The following PTPN4 variants were observed in gnomAD, a reference collection of about 807,000 sequenced individuals.
The protein encoded by PTPN4 is tyrosine-protein phosphatase non-receptor type 4.
Under a neutral mutation model 135.5 loss-of-function variants are expected in PTPN4, and 49 were observed. That is an observed-to-expected ratio of 0.36 (90% CI 0.29 to 0.46). The LOEUF (loss-of-function observed/expected upper bound fraction) is 0.46. PTPN4 is among the 20% of genes least tolerant of loss of function. The probability of loss-of-function intolerance (pLI) is 1.00; values close to 1 mark genes in which losing one functional copy is unlikely to be tolerated. For missense variants in PTPN4, 860 were observed against 1,101.0 expected (o/e 0.78, Z 3.10); for synonymous variants, 333 against 369.9 (o/e 0.90, Z 1.14).
chr2:119,905,762 A>ATT (rs1449450991), intron 10 of PTPN4, among the ~76,000 whole-genome samples: 1 of 152,212 alleles, frequency 6.6e-6, no homozygotes, highest in Non-Finnish European at 1.5e-5. Context: ...TATATCCAGT[A>ATT]TTTTCTCACA....
chr2:119,926,694 AT>A (rs1488337583), intron 13 of PTPN4, 28 bp downstream of exon 13: 3 of 1,523,526 alleles, frequency 2.0e-6, no homozygotes, highest in South Asian at 1.2e-5. Context: ...CATTGTTTGA[AT>A]TTTTTTAAAA....
At chr2:119,907,328 A>G (rs922496359) in intron 10 of PTPN4, among the ~76,000 whole-genome samples, 1 of 152,198 alleles carries the variant, frequency 6.6e-6, no homozygotes, top group African/African-American at 2.4e-5. Context: ...TGGGGAGCCA[A>G]GTGGCTCACA....
At chr2:119,926,216 T>C (rs1217177089) in intron 12 of PTPN4, among the ~76,000 whole-genome samples, 2 of 152,180 alleles carry the variant, frequency 1.3e-5, no homozygotes, top group Non-Finnish European at 2.9e-5. Flanking sequence ...CTGAACACAT[T>C]GGTGTACTTC....
At chr2:119,868,816 T>G (rs918857843) in intron 3 of PTPN4, among the ~76,000 whole-genome samples, 2 of 152,206 alleles carry the variant, frequency 1.3e-5, no homozygotes, top group Non-Finnish European at 2.9e-5. Context: ...TGTTAATAAA[T>G]ACGTGGGTAA....
intron 10 of PTPN4, among the ~76,000 whole-genome samples, chr2:119,901,968 T>C (rs1412421660): frequency 6.6e-6 from 1 of 152,118 alleles, no homozygotes; most frequent in Non-Finnish European, 1.5e-5. Flanking sequence ...GTATTTAAGA[T>C]ATGTGATGGG....
At chr2:119,760,423 G>C in intron 1 of PTPN4, 39 bp downstream of exon 1, 1 of 388,356 alleles carries the variant, frequency 2.6e-6, no homozygotes. Context: ...TCTCGGCCCT[G>C]CACGTTGAAC....
intron 24 of PTPN4, among the ~76,000 whole-genome samples, chr2:119,963,661 A>C (rs1026439126): frequency 2.0e-5 from 3 of 152,220 alleles, no homozygotes; most frequent in African/African-American, 7.2e-5. Context: ...GCATTGAATA[A>C]AGCTAAAATG....
chr2:119,779,342 G>C (rs1690895359), intron 1 of PTPN4, among the ~76,000 whole-genome samples: 1 of 152,200 alleles, frequency 6.6e-6, no homozygotes, highest in Non-Finnish European at 1.5e-5. Flanking sequence ...TGTCGGCTGG[G>C]CGCGGTGGCT....
At chr2:119,964,506 T>A (rs1679419466) in intron 24 of PTPN4, among the ~76,000 whole-genome samples, 1 of 152,230 alleles carries the variant, frequency 6.6e-6, no homozygotes, top group Admixed American at 6.5e-5. Context: ...TCATCTGCAT[T>A]GTGTGAGGAT....
intron 2 of PTPN4, among the ~76,000 whole-genome samples, chr2:119,826,381 G>A (rs937938552): frequency 5.9e-5 from 9 of 152,182 alleles, no homozygotes; most frequent in Non-Finnish European, 1.2e-4. Context: ...ATAGTGTTTA[G>A]CAAGAGCTTT....
At chr2:119,926,397 T>G (rs1678825405) in intron 12 of PTPN4, among the ~76,000 whole-genome samples, 1 of 152,194 alleles carries the variant, frequency 6.6e-6, no homozygotes, top group Admixed American at 6.5e-5. Context: ...ACATCTTTCT[T>G]CATTAATGGG....
chr2:119,760,377 A>C lies in PTPN4; in HGVS notation c.-25A>C, dbSNP rs1690459056. 1 of 390,082 alleles carries C rather than the reference A, an allele frequency of 2.6e-6. No individual in the cohort carries two copies. Among genetic ancestry groups the C allele is most frequent in the Non-Finnish European group, 4.5e-6 (1 of 220,996 alleles). The allele number at this position is 390,082 out of a possible 1,614,324, so 24.2% of individuals were successfully genotyped here. A position where few individuals can be genotyped will look rare whatever the true frequency, so the allele number is the denominator to read the frequency against. On this transcript the variant is annotated 5_prime_UTR_variant, in exon 1 of 27. Transcript: ENST00000263708. ...CCAGCCGAGAGGACGCGGCTGTGAT[A>C]TACGAAGGTAAGAGGTTCTCCGGTC...
At chr2:119,858,275 A>G (rs1048852176) in intron 2 of PTPN4, among the ~76,000 whole-genome samples, 1 of 152,188 alleles carries the variant, frequency 6.6e-6, no homozygotes, top group Admixed American at 6.5e-5. Flanking sequence ...TTGGTTGCAG[A>G]TGAGAAATTC....
chr2:119,876,768 G>T (rs1302633208), intron 3 of PTPN4, among the ~76,000 whole-genome samples: 1 of 151,758 alleles, frequency 6.6e-6, no homozygotes, highest in Non-Finnish European at 1.5e-5. Flanking sequence ...TTTAAAAATT[G>T]GTGGGTTTTT....
intron 14 of PTPN4, among the ~76,000 whole-genome samples, chr2:119,933,782 T>C (rs1558768082): frequency 6.6e-6 from 1 of 152,192 alleles, no homozygotes; most frequent in Admixed American, 6.5e-5. Context: ...AGAGCTTTAA[T>C]ACTTAACGTG....
At chr2:119,833,675 G>A (rs535565612) in intron 2 of PTPN4, among the ~76,000 whole-genome samples, 7 of 151,938 alleles carry the variant, frequency 4.6e-5, no homozygotes, top group Admixed American at 2.0e-4. Flanking sequence ...TTTTCACCTC[G>A]GACTAATTTT....
At chr2:119,886,731 CAGAT>C (rs1401079682) in intron 9 of PTPN4, among the ~76,000 whole-genome samples, 2 of 152,190 alleles carry the variant, frequency 1.3e-5, no homozygotes, top group East Asian at 3.8e-4. Flanking sequence ...CACAGGTACA[CAGAT>C]AGTTGTTGAA....
At chr2:119,793,075 A>C (rs2104936705) in intron 1 of PTPN4, among the ~76,000 whole-genome samples, 1 of 152,298 alleles carries the variant, frequency 6.6e-6, no homozygotes, top group South Asian at 2.1e-4. Flanking sequence ...AGAGTGGAGA[A>C]CTGGTCTGAC....
intron 3 of PTPN4, among the ~76,000 whole-genome samples, chr2:119,875,721 G>T (rs1677974274): frequency 6.6e-6 from 1 of 152,072 alleles, no homozygotes; most frequent in African/African-American, 2.4e-5. Context: ...GGGATTACAG[G>T]TGTGTGCCAC....
Sources: gnomAD v4.1 joint callset for allele counts (sites outside exome capture counted in the v4.1 genomes callset) on GRCh38, gnomAD v4.1.1 for gene constraint, MANE v1.5 for transcripts, NCBI Gene and HGNC (gene_info 2026-07-23, HGNC 2026-07-21) for gene names.